Variants in CCDC17 observed in about 807,000 individuals in gnomAD.
The protein encoded by CCDC17 is coiled-coil domain containing 17.
CCDC17 carries 79 observed loss-of-function variants against 68.0 expected under a neutral mutation model. The observed-to-expected ratio is 1.16, with a 90% CI of 0.97 to 1.40. The LOEUF (loss-of-function observed/expected upper bound fraction) is 1.40, where lower values mean the gene tolerates loss of function less well. CCDC17 is among the 40% of genes most tolerant of loss of function. CCDC17 has a pLI of 0.00. For missense variants in CCDC17, 846 were observed against 811.5 expected (o/e 1.04, Z -0.52); for synonymous variants, 376 against 337.5 (o/e 1.11, Z -1.25).
In CCDC17 at chr1:45,620,452, C is replaced by A; in HGVS notation, c.1711-19G>T. On this transcript the variant is annotated intron_variant, in intron 12 of 12. Coordinates refer to ENST00000528266, the MANE Select transcript of CCDC17 (RefSeq NM_001114938.3). ...TGGACACCTGTGGAACAGGAGAAGG[C>A]AGGTTTTGAGCAAAAATGTAAAGGT... 1 of 1,535,608 alleles carries A rather than the reference C, an allele frequency of 6.5e-7. No individual in the cohort carries two copies. Among genetic ancestry groups the A allele is most frequent in the South Asian group, 1.2e-5 (1 of 80,546 alleles).
chr1:45,621,468 A>G lies in CCDC17; in HGVS notation c.1201T>C (p.Phe401Leu). The G allele has an allele frequency of 9.4e-6, 15 of 1,588,922 alleles. No individual in the cohort carries two copies. Among genetic ancestry groups the G allele is most frequent in the Non-Finnish European group, 1.3e-5 (15 of 1,168,176 alleles). The change falls in exon 10 of 13, where the codon TTC becomes CTC. Residue 401 changes from phenylalanine (F) to leucine (L), a missense_variant. Phe to Leu is a conservative substitution (Grantham distance 22). Coordinates refer to ENST00000528266, the MANE Select transcript of CCDC17 (RefSeq NM_001114938.3). ...PYDPGAGLVI[F>L]YDFLRGLEAS... ...TCAAGGCCCCGCAGGAAATCATAGAAAATGACCAGGCCAGCCCTGGGGAAC... is the reference window on the plus strand; with the variant it reads ...TCAAGGCCCCGCAGGAAATCATAGAGAATGACCAGGCCAGCCCTGGGGAAC...
In CCDC17 at chr1:45,623,294, C is replaced by G. The variant is rs1417388755; in HGVS notation, c.416G>C (p.Arg139Pro). The G allele has an allele frequency of 6.5e-7, 1 of 1,548,922 alleles. No individual in the cohort carries two copies. Among genetic ancestry groups the G allele is most frequent in the South Asian group, 1.2e-5 (1 of 84,036 alleles). ...EAVGSPSERLRALFRTRARRV... is the reference protein window; with the variant it reads ...EAVGSPSERLPALFRTRARRV... ...CCTCGCGCGAGTCCTGAACAGCGCC[C>G]GCAGCCGCTCGCTGGGGCTTCCCAC... The change falls in exon 3 of 13, where the codon CGG (arginine) becomes CCG (proline). Residue 139 changes from arginine to proline, a missense_variant. Coordinates refer to ENST00000528266, the MANE Select transcript of CCDC17 (RefSeq NM_001114938.3).
chr1:45,622,192 T>C, intron 7 of CCDC17, 49 bp downstream of exon 7: 1 of 1,541,972 alleles, frequency 6.5e-7, no homozygotes, highest in Non-Finnish European at 8.9e-7. Flanking sequence ...GAGCCAGGCC[T>C]GCTGGGGAGA....
chr1:45,620,758 G>A lies in CCDC17; in HGVS notation c.1675C>T (p.Pro559Ser). 4 of 1,609,974 alleles carry A rather than the reference G, an allele frequency of 2.5e-6. No individual in the cohort carries two copies. The highest frequency in any genetic ancestry group is 3.4e-6 in the Non-Finnish European group (4 of 1,178,116). ...TACTGGTACTCATGGACACTTGCTG[G>A]ATTGATCTCTGCCAGTGTCTGTACA... ...AAVQTLAEIN[P>S]ASVHEYQYPP... is the part of the protein sequence containing the mutation. The change falls in exon 12 of 13, where the codon CCA becomes TCA. Residue 559 changes from proline (P) to serine (S), a missense_variant. Physicochemically the swap from Pro to Ser is moderately conservative, Grantham distance 74. Coordinates refer to ENST00000528266, the MANE Select transcript of CCDC17 (RefSeq NM_001114938.3).
At position 45,623,305 on chromosome 1, in the gene CCDC17, G is replaced by A. The variant is rs1644342858; in HGVS notation, c.405C>T (p.Ser135=). Residue 135 remains serine (S), a synonymous_variant, in exon 3 of 13, where the codon AGC becomes AGT. Coordinates refer to ENST00000528266, the MANE Select transcript of CCDC17 (RefSeq NM_001114938.3). ...TCCTGAACAGCGCCCGCAGCCGCTC[G>A]CTGGGGCTTCCCACCGCCTCGGACA... ...SPMSEAVGSP[S]ERLRALFRTR... The A allele has an allele frequency of 3.2e-6, 5 of 1,549,480 alleles. No homozygotes were observed. Among genetic ancestry groups the A allele is most frequent in the African/African-American group, 2.7e-5 (2 of 73,050 alleles).
Position 45,622,333 on chromosome 1 carries a change from G to A in CCDC17, c.875C>T (p.Thr292Ile), listed in dbSNP as rs765879305. 6.2e-7 allele frequency: 1 copy of A among 1,607,674 alleles called. No homozygotes were observed. The stretch of plus-strand genomic sequence containing the variant: ...CTCCACTACTGGAAGCTCCCCTGAG[G>A]TGGCACCTGCCCTTCCTGCGATGAA... Reference protein sequence around the residue: ...SQTRRGRAGATSGELPVVEAE... With the variant: ...SQTRRGRAGAISGELPVVEAE... Residue 292 changes from threonine (T) to isoleucine (I), a missense_variant, in exon 7 of 13, where the codon ACC becomes ATC. Coordinates refer to ENST00000528266, the MANE Select transcript of CCDC17 (RefSeq NM_001114938.3).
Position 45,620,381 on chromosome 1 carries a change from A to G in CCDC17, c.1763T>C (p.Phe588Ser). The change falls in exon 13 of 13, where the codon TTT becomes TCT. Residue 588 changes from phenylalanine to serine, a missense_variant. Coordinates refer to ENST00000528266, the MANE Select transcript of CCDC17 (RefSeq NM_001114938.3). ...TTCTGTACGAGGTGGGGGATCAGCA[A>G]AGCCAACTGCGGGGGTGAGGAAGCT... ...EASFLTPAVG[F>S]ADPPPRTEEP... 4 of 1,604,770 alleles carry G rather than the reference A, an allele frequency of 2.5e-6. No individual in the cohort carries two copies. Among genetic ancestry groups the G allele is most frequent in the Non-Finnish European group, 3.4e-6 (4 of 1,176,672 alleles).
rs1644318983 is a variant in CCDC17, at chr1:45,622,851, C to CG, written c.657-18dup. 6 of 1,586,886 alleles carry CG rather than the reference C, an allele frequency of 3.8e-6. No individual in the cohort carries two copies. The highest frequency in any genetic ancestry group is 5.1e-6 in the Non-Finnish European group (6 of 1,166,546). ...AGCGGGTTCCTGGGGTGGCAGGCGACGCGCAGGGAGACGGTAACGCATCAG... is the reference window on the plus strand; with the variant it reads ...AGCGGGTTCCTGGGGTGGCAGGCGACGGCGCAGGGAGACGGTAACGCATCAG... On this transcript the variant is annotated splice_polypyrimidine_tract_variant and intron_variant, in intron 4 of 12. Transcript: ENST00000528266.
intron 6 of CCDC17, 64 bp downstream of exon 6, chr1:45,622,485 C>T: frequency 5.3e-6 from 8 of 1,502,806 alleles, no homozygotes; most frequent in Non-Finnish European, 7.2e-6. Context: ...AGCCACAGGC[C>T]CTCCCTCGAG....
At position 45,621,564 on chromosome 1, in the gene CCDC17, T is replaced by A. The variant is rs1415065989; in HGVS notation, c.1184+74A>T. The A allele has an allele frequency of 3.8e-6, 6 of 1,587,774 alleles. No homozygotes were observed. The East Asian group carries it at 9.1e-5, about 24-fold the overall frequency. On this transcript the variant is annotated intron_variant, in intron 9 of 12. Coordinates refer to ENST00000528266, the MANE Select transcript of CCDC17 (RefSeq NM_001114938.3). ...TCTCAGGCAGGTCCCTAACCCTATCTGGTCCTAGTGGGCTCCCTTAACCAG... is the reference window on the plus strand; with the variant it reads ...TCTCAGGCAGGTCCCTAACCCTATCAGGTCCTAGTGGGCTCCCTTAACCAG...
At position 45,621,084 on chromosome 1, in the gene CCDC17, A is replaced by G. The variant is rs1557675370; in HGVS notation, c.1418T>C (p.Val473Ala). 8 of 1,613,968 alleles carry G rather than the reference A, an allele frequency of 5.0e-6. No individual in the cohort carries two copies. The highest frequency in any genetic ancestry group is 6.8e-6 in the Non-Finnish European group (8 of 1,179,874). Residue 473 changes from valine to alanine, a missense_variant, in exon 11 of 13, where the codon GTC becomes GCC. Val to Ala is a moderately conservative substitution (Grantham distance 64). Transcript: ENST00000528266. ...CCCCTGCCAGACCTGCAGCTCACAG[A>G]CCAAAGATACTGATGATGAGGGTGG... is the stretch of plus-strand genomic sequence containing the variant. ...RLPPSSSVSLVCELQVWQGLA... is the reference protein window; with the variant it reads ...RLPPSSSVSLACELQVWQGLA...
At position 45,623,006 on chromosome 1, in the gene CCDC17, C is replaced by A. The variant is rs1293852337; in HGVS notation, c.605G>T (p.Gly202Val). ...ELQAEAGRTR[G>V]ALEVLGARIQ... is the part of the protein sequence containing the mutation. ...GCGGGCCCCCAACACCTCTAGAGCT[C>A]CCCGCGTCCTCCCGGCCTCAGCTTG... is the stretch of plus-strand genomic sequence containing the variant. The change falls in exon 4 of 13, where the codon GGA becomes GTA. Residue 202 changes from glycine to valine, a missense_variant. By Grantham distance (109) the Gly-to-Val change is moderately radical. Coordinates refer to ENST00000528266, the MANE Select transcript of CCDC17 (RefSeq NM_001114938.3). 4.3e-6 allele frequency: 7 copies of A among 1,612,432 alleles called. No individual in the cohort carries two copies. The highest frequency in any genetic ancestry group is 1.7e-5 in the Admixed American group (1 of 59,870).
Position 45,621,291 on chromosome 1 carries a change from G to T in CCDC17, c.1378C>A (p.Pro460Thr). ...GNCAILASRQPVPRLPPSSSV... is the reference protein window; with the variant it reads ...GNCAILASRQTVPRLPPSSSV... ...TCCCCACCTACTGACCTGGGCACAG[G>T]CTGCCTGCTGGCAAGGATGGCACAG... Residue 460 changes from proline (P) to threonine (T), a missense_variant, in exon 10 of 13, where the codon CCT (proline) becomes ACT (threonine). Coordinates refer to ENST00000528266, the MANE Select transcript of CCDC17 (RefSeq NM_001114938.3). 2 of 1,577,094 alleles carry T rather than the reference G, an allele frequency of 1.3e-6. No individual in the cohort carries two copies. The highest frequency in any genetic ancestry group is 1.7e-6 in the Non-Finnish European group (2 of 1,160,834).
chr1:45,621,427 C>T lies in CCDC17; in HGVS notation c.1242G>A (p.Trp414Ter). 1.3e-6 allele frequency: 2 copies of T among 1,598,444 alleles called. No individual in the cohort carries two copies. The highest frequency in any genetic ancestry group is 1.7e-6 in the Non-Finnish European group (2 of 1,172,962). ...FLRGLEASWI[W>*]VQLRTGLARD... is the part of the protein sequence containing the mutation. ...GTGCCAAGCCAGTCCTTAGTTGCAC[C>T]CAAATCCAGGAAGCCTCAAGGCCCC... Residue 414 changes from tryptophan (W) to a stop codon, truncating the protein, a stop_gained, in exon 10 of 13, where the codon TGG becomes TGA. Coordinates refer to ENST00000528266, the MANE Select transcript of CCDC17 (RefSeq NM_001114938.3). LOFTEE classifies it high-confidence loss of function.
At position 45,620,189 on chromosome 1, in the gene CCDC17, A is replaced by G; in HGVS notation, c.*86T>C. 3 of 1,436,752 alleles carry G rather than the reference A, an allele frequency of 2.1e-6. No individual in the cohort carries two copies. Among genetic ancestry groups the G allele is most frequent in the Non-Finnish European group, 2.8e-6 (3 of 1,076,004 alleles). The allele number at this position is 1,436,752 out of a possible 1,614,324, so 89.0% of individuals were successfully genotyped here. A position where few individuals can be genotyped will look rare whatever the true frequency, so the allele number is the denominator to read the frequency against. On this transcript the variant is annotated 3_prime_UTR_variant, in exon 13 of 13. Coordinates refer to ENST00000528266, the MANE Select transcript of CCDC17 (RefSeq NM_001114938.3). ...GCTAGATGCTTCTAGACCCAATGTC[A>G]GAACATGGAGTAGTAAACCTGTAGG...
intron 8 of CCDC17, 62 bp downstream of exon 8, chr1:45,621,815 C>T (rs1274081535): frequency 6.3e-7 from 1 of 1,595,900 alleles, no homozygotes; most frequent in African/African-American, 1.3e-5. Flanking sequence ...AGAGCTGCCT[C>T]CAACCTGTTC....
At position 45,623,837 on chromosome 1, in the gene CCDC17, G is replaced by A; in HGVS notation, c.73C>T (p.Leu25=). The A allele has an allele frequency of 6.4e-7, 1 of 1,551,342 alleles. No individual in the cohort carries two copies. Among genetic ancestry groups the A allele is most frequent in the Non-Finnish European group, 8.7e-7 (1 of 1,146,788 alleles). ...TCDMVFRSSA[L]LATHTQRFCI... The stretch of plus-strand genomic sequence containing the variant: ...AAGCGCTGAGTATGGGTGGCTAACA[G>A]AGCTGAGGAGCGGAAAACCATGTCA... The change falls in exon 1 of 13, where the codon CTG becomes TTG. Residue 25 remains leucine (L), a synonymous_variant. Coordinates refer to ENST00000528266, the MANE Select transcript of CCDC17 (RefSeq NM_001114938.3).
chr1:45,623,752 T>C lies in CCDC17; in HGVS notation c.158A>G (p.Glu53Gly). ...TFGAQASVATEPQRAAVVPQE... is the reference protein window; with the variant it reads ...TFGAQASVATGPQRAAVVPQE... The stretch of plus-strand genomic sequence containing the variant: ...GGCCCTTACCGCGGCCCGCTGGGGT[T>C]CAGTGGCAACTGATGCCTGTGCTCC... Residue 53 changes from glutamate to glycine, a missense_variant, in exon 1 of 13, where the codon GAA becomes GGA. Coordinates refer to ENST00000528266, the MANE Select transcript of CCDC17 (RefSeq NM_001114938.3). 6.4e-7 allele frequency: 1 copy of C among 1,551,212 alleles called. No homozygotes were observed. The highest frequency in any genetic ancestry group is 1.2e-5 in the South Asian group (1 of 84,010).
chr1:45,621,811 G>T, intron 8 of CCDC17, 66 bp downstream of exon 8: 3 of 1,597,580 alleles, frequency 1.9e-6, no homozygotes, highest in Non-Finnish European at 2.6e-6. Context: ...GAGCAGAGCT[G>T]CCTCCAACCT....
Sources: gnomAD v4.1 joint callset for allele counts on GRCh38, gnomAD v4.1.1 for gene constraint, MANE v1.5 for transcripts, NCBI Gene and HGNC (gene_info 2026-07-23, HGNC 2026-07-21) for gene names.